SH2B2: variants seen among roughly 807,000 people sequenced by gnomAD.
The protein encoded by SH2B2 is SH2B adaptor protein 2, also known as SH2B adapter protein 2.
A neutral mutation model predicts 35.7 loss-of-function variants in SH2B2; 37 were observed. That is an observed-to-expected ratio of 1.04 (90% CI 0.80 to 1.36). The LOEUF is 1.36. SH2B2 is among the 40% of genes most tolerant of loss of function. The pLI, the probability that SH2B2 is intolerant of heterozygous loss-of-function variation, is 0.00. For synonymous variants in SH2B2, 383 were observed against 376.4 expected (o/e 1.02, Z -0.20); for missense variants, 852 against 817.7 (o/e 1.04, Z -0.51).
intron 3 of SH2B2, among the ~76,000 whole-genome samples, chr7:102,307,863 C>T (rs1014395170): frequency 1.3e-5 from 2 of 152,004 alleles, no homozygotes; most frequent in Non-Finnish European, 2.9e-5. Flanking sequence ...CTCCTCCTCC[C>T]GGGCTCAGGT....
Position 102,306,785 on chromosome 7 carries a change from TG to T in SH2B2, c.796del (p.Glu266LysfsTer13). 6.3e-7 allele frequency: 1 copy of T among 1,598,432 alleles called. No individual in the cohort carries two copies. Among genetic ancestry groups the T allele is most frequent in the Non-Finnish European group, 8.5e-7 (1 of 1,172,828 alleles). On this transcript the variant is annotated frameshift_variant, in exon 3 of 9. Transcript: ENST00000444095. LOFTEE classifies it high-confidence loss of function. ...AIIEVRTTMP[L>X]EMPEKDNTFV... ...ATTGAGGTCCGCACCACCATGCCCCTGGAAATGCCAGAGAAGGATAACACAT... is the reference window on the plus strand; with the variant it reads ...ATTGAGGTCCGCACCACCATGCCCCTGAAATGCCAGAGAAGGATAACACAT...
chr7:102,314,405 C>T lies in SH2B2; in HGVS notation c.993C>T (p.Cys331=), dbSNP rs1793739282. 1.5e-5 allele frequency: 6 copies of T among 398,744 alleles called. No homozygotes were observed. Among genetic ancestry groups the T allele is most frequent in the Non-Finnish European group, 2.7e-5 (6 of 226,270 alleles). The allele number at this position is 398,744 out of a possible 1,614,324, so 24.7% of individuals were successfully genotyped here. A position where few individuals can be genotyped will look rare whatever the true frequency, so the allele number is the denominator to read the frequency against. Residue 331 remains cysteine (C), a synonymous_variant, in exon 5 of 9, where the codon TGC becomes TGT. Coordinates refer to ENST00000444095, the MANE Select transcript of SH2B2 (RefSeq NM_001359228.2). ...GGCLASRVAS[C]SCELLTDAVD... is the part of the protein sequence containing the mutation. Reference sequence around the variant, plus strand: ...GTCTGGCCAGCCGCGTGGCCTCCTGCAGCTGTGAGCTCCTGACTGATGGTA... The same window carrying T: ...GTCTGGCCAGCCGCGTGGCCTCCTGTAGCTGTGAGCTCCTGACTGATGGTA...
At chr7:102,315,600 C>T (rs1793794922) in intron 6 of SH2B2, among the ~76,000 whole-genome samples, 1 of 151,754 alleles carries the variant, frequency 6.6e-6, no homozygotes, top group South Asian at 2.1e-4. Flanking sequence ...CACGCCTGGC[C>T]ACAAACATTT....
At chr7:102,299,285 G>A (rs1474528281) in intron 1 of SH2B2, among the ~76,000 whole-genome samples, 31 of 142,362 alleles carry the variant, frequency 2.2e-4, no homozygotes, top group African/African-American at 7.6e-4. Flanking sequence ...TGCAACCTCC[G>A]CCTCCTGGGT....
Position 102,307,039 on chromosome 7 carries a change from G to A in SH2B2, c.831+217G>A, listed in dbSNP as rs1044887136. Among the ~76,000 whole-genome samples the A allele has an allele frequency of 3.9e-5, 6 of 152,222 alleles. No individual in the cohort carries two copies. In the South Asian group the frequency reaches 1.0e-3, roughly 26 times the overall value. On this transcript the variant is annotated intron_variant, in intron 3 of 8. Transcript: ENST00000444095. ...TCCACAGCCAGGTGCCTCGGGCGTC[G>A]CCCAACATCTGGGCCCCTTGCTCCC...
At chr7:102,288,346 A>C (rs782574264) in intron 1 of SH2B2, among the ~76,000 whole-genome samples, 1 of 151,948 alleles carries the variant, frequency 6.6e-6, no homozygotes, top group Non-Finnish European at 1.5e-5. Context: ...CTTTTAGGCT[A>C]GTGTGGATCA....
chr7:102,305,893 CTTTTTTTTTTTT>C (rs1292537190), intron 2 of SH2B2, among the ~76,000 whole-genome samples: 4 of 107,306 alleles, frequency 3.7e-5, no homozygotes, highest in Non-Finnish European at 7.7e-5. Context: ...TTTTTTTTTT[CTTTTTTTTTTTT>C]TTTTTTTGAG....
intron 1 of SH2B2, among the ~76,000 whole-genome samples, chr7:102,292,579 T>G (rs1441017892): frequency 6.6e-6 from 1 of 151,070 alleles, no homozygotes; most frequent in Non-Finnish European, 1.5e-5. Flanking sequence ...GTGCCTGTAG[T>G]CCCAGCCACT....
chr7:102,292,337 C>T (rs532079531), intron 1 of SH2B2, among the ~76,000 whole-genome samples: 4 of 152,022 alleles, frequency 2.6e-5, no homozygotes, highest in Non-Finnish European at 5.9e-5. Context: ...TCGAGACCAG[C>T]CTGGCCAAGA....
chr7:102,289,510 T>C (rs1554551407), intron 1 of SH2B2, among the ~76,000 whole-genome samples: 1 of 151,938 alleles, frequency 6.6e-6, no homozygotes, highest in Admixed American at 6.6e-5. Context: ...TATTTGAACT[T>C]GGATGTGGTG....
chr7:102,289,740 T>G (rs1554551430), intron 1 of SH2B2, among the ~76,000 whole-genome samples: 1 of 150,594 alleles, frequency 6.6e-6, no homozygotes, highest in South Asian at 2.1e-4. Context: ...ATCCTGCAGG[T>G]TTAGGGGGCT....
Position 102,321,311 on chromosome 7 carries a change from C to A in SH2B2, c.1580C>A (p.Thr527Lys). 1 of 1,414,972 alleles carries A rather than the reference C, an allele frequency of 7.1e-7. No homozygotes were observed. The highest frequency in any genetic ancestry group is 1.4e-5 in the South Asian group (1 of 69,314). 87.7% of individuals were successfully genotyped at this position (1,414,972 alleles called of 1,614,324 possible). The change falls in exon 9 of 9, where the codon ACG becomes AAG. Residue 527 changes from threonine (T) to lysine (K), a missense_variant. Thr to Lys is a moderately conservative substitution (Grantham distance 78, BLOSUM62 -1). Coordinates refer to ENST00000444095, the MANE Select transcript of SH2B2 (RefSeq NM_001359228.2). ...CGCCTTGTTGCAGAGCCGGGCCCCA[C>A]GCCCCCTGCCGCGCCCGCGTCCCCG... ...AQDPPPEPGP[T>K]PPAAPASPAC...
At chr7:102,310,320 TTAA>T (rs1278746464) in intron 4 of SH2B2, among the ~76,000 whole-genome samples, 14 of 152,014 alleles carry the variant, frequency 9.2e-5, no homozygotes, top group African/African-American at 3.1e-4. Context: ...TCTCAAAATA[TTAA>T]TAATAATAAT....
chr7:102,303,063 G>A (rs190920717), intron 2 of SH2B2, among the ~76,000 whole-genome samples: 7 of 151,328 alleles, frequency 4.6e-5, no homozygotes, highest in South Asian at 2.1e-4. Context: ...GAGAAACCCC[G>A]TCTCTAATAA....
chr7:102,299,995 G>A (rs1175371676), intron 1 of SH2B2, among the ~76,000 whole-genome samples: 1 of 152,204 alleles, frequency 6.6e-6, no homozygotes, highest in Non-Finnish European at 1.5e-5. Context: ...TCGGCTCACT[G>A]CAACTTCTGC....
At chr7:102,303,700 C>G (rs527350141) in intron 2 of SH2B2, among the ~76,000 whole-genome samples, 1 of 152,194 alleles carries the variant, frequency 6.6e-6, no homozygotes, top group Non-Finnish European at 1.5e-5. Flanking sequence ...AAAGGGAAAC[C>G]GAGGCCCAGT....
chr7:102,299,188 C>A (rs1208428138), intron 1 of SH2B2, among the ~76,000 whole-genome samples: 1 of 62,526 alleles, frequency 1.6e-5, no homozygotes, highest in East Asian at 4.7e-4. Context: ...CATGAGCCAC[C>A]GCGCCTGGCT....
At chr7:102,310,368 C>T (rs1379851786) in intron 4 of SH2B2, among the ~76,000 whole-genome samples, 5 of 152,158 alleles carry the variant, frequency 3.3e-5, no homozygotes, top group African/African-American at 1.2e-4. Flanking sequence ...GCACCTGGGA[C>T]TCGCAGGGAA....
intron 1 of SH2B2, among the ~76,000 whole-genome samples, chr7:102,294,149 C>T (rs1554552217): frequency 6.6e-6 from 1 of 152,084 alleles, no homozygotes; most frequent in African/African-American, 2.4e-5. Flanking sequence ...TGCCTCAGTC[C>T]CCCAAGTACC....
Sources: gnomAD v4.1 joint callset for allele counts (sites outside exome capture counted in the v4.1 genomes callset) on GRCh38, gnomAD v4.1.1 for gene constraint, MANE v1.5 for transcripts, NCBI Gene and HGNC (gene_info 2026-07-23, HGNC 2026-07-21) for gene names.